The following ADAMTS9 variants were observed in gnomAD, a reference collection of about 807,000 sequenced individuals.
ADAMTS9 encodes A disintegrin and metalloproteinase with thrombospondin motifs 9.
In ADAMTS9, 107 loss-of-function variants were observed where a neutral mutation model predicts 257.1. That is an observed-to-expected ratio of 0.42 (90% CI 0.36 to 0.49). ADAMTS9 has a LOEUF of 0.49. ADAMTS9 is among the 20% of genes least tolerant of loss of function. The pLI is 0.03. For missense variants in ADAMTS9, 2,353 were observed against 2,469.1 expected (o/e 0.95, Z 1.00); for synonymous variants, 982 against 880.9 (o/e 1.11, Z -2.03).
chr3:64,564,092 C>A (rs948195062), intron 29 of ADAMTS9, among the ~76,000 whole-genome samples: 2 of 152,152 alleles, frequency 1.3e-5, no homozygotes, highest in Non-Finnish European at 2.9e-5. Flanking sequence ...GTTCAGTACA[C>A]CTTTTAGTTC....
intron 16 of ADAMTS9, among the ~76,000 whole-genome samples, chr3:64,628,762 C>T (rs1408327694): frequency 6.6e-6 from 1 of 152,150 alleles, no homozygotes; most frequent in Non-Finnish European, 1.5e-5. Flanking sequence ...TAACCCCATT[C>T]TCCATTAAGT....
At chr3:64,631,756 T>C in intron 15 of ADAMTS9, 52 bp downstream of exon 15, 4 of 1,504,682 alleles carry the variant, frequency 2.7e-6, no homozygotes, top group Non-Finnish European at 3.7e-6. Context: ...GGTTAACAAT[T>C]TTCAAACTTT....
intron 12 of ADAMTS9, 91 bp from the exon 13 acceptor site, chr3:64,633,970 A>G: frequency 3.2e-6 from 4 of 1,232,298 alleles, no homozygotes; most frequent in Non-Finnish European, 4.5e-6. Context: ...CCTGTCTTCT[A>G]GAGAAGTAAA....
At chr3:64,645,464 GAAGAAA>G (rs1700765348) in intron 11 of ADAMTS9, among the ~76,000 whole-genome samples, 3 of 152,028 alleles carry the variant, frequency 2.0e-5, no homozygotes, top group African/African-American at 7.2e-5. Flanking sequence ...AGAACAGAAA[GAAGAAA>G]AAGAAAGAAA....
rs1701138540 is a variant in ADAMTS9 at position 64,658,433 on chromosome 3, G to A, written c.969+69C>T. On this transcript the variant is annotated intron_variant, in intron 4 of 39. Coordinates refer to ENST00000498707, the MANE Select transcript of ADAMTS9 (RefSeq NM_182920.2). The stretch of plus-strand genomic sequence containing the variant: ...GTTCTGAATGGTCCTCCAAAGCACT[G>A]AGTGGAAACCCATTCCCCAATGGCA... The A allele has an allele frequency of 4.7e-6, 7 of 1,481,656 alleles. No individual in the cohort carries two copies. The Admixed American group carries it at 1.4e-4, about 29-fold the overall frequency. 91.8% of individuals were successfully genotyped at this position (1,481,656 alleles called of 1,614,324 possible). A position where few individuals can be genotyped will look rare whatever the true frequency, so the allele number is the denominator to read the frequency against.
chr3:64,629,109 A>C (rs777031278), intron 16 of ADAMTS9, among the ~76,000 whole-genome samples: 1 of 152,106 alleles, frequency 6.6e-6, no homozygotes, highest in Non-Finnish European at 1.5e-5. Flanking sequence ...CCAACTTCAA[A>C]AGATATCCAG....
chr3:64,549,988 A>G (rs1306984245), intron 31 of ADAMTS9, among the ~76,000 whole-genome samples: 2 of 151,634 alleles, frequency 1.3e-5, no homozygotes, highest in Non-Finnish European at 2.9e-5. Context: ...AGTGGCAGCA[A>G]TCATATTACC....
intron 4 of ADAMTS9, among the ~76,000 whole-genome samples, chr3:64,657,138 G>A (rs754417070): frequency 6.6e-6 from 1 of 152,098 alleles, no homozygotes; most frequent in Non-Finnish European, 1.5e-5. Context: ...ACCTAGAGTT[G>A]CACTGCCCAA....
intron 33 of ADAMTS9, 88 bp downstream of exon 33, chr3:64,541,750 T>C (rs1172377083): frequency 1.9e-6 from 3 of 1,579,902 alleles, no homozygotes; most frequent in Non-Finnish European, 1.7e-6. Context: ...GAAAAAATTC[T>C]ATATTTCTAA....
chr3:64,645,717 G>T (rs758092127), intron 11 of ADAMTS9, among the ~76,000 whole-genome samples: 3 of 152,028 alleles, frequency 2.0e-5, no homozygotes, highest in Admixed American at 1.3e-4. Context: ...ACTAAAAATG[G>T]ATCTATCATT....
chr3:64,616,675 C>G (rs972457308), intron 19 of ADAMTS9, among the ~76,000 whole-genome samples: 7 of 152,102 alleles, frequency 4.6e-5, no homozygotes, highest in African/African-American at 1.7e-4. Context: ...GGCCAATCGT[C>G]TGGTTCTTTT....
chr3:64,600,847 C>T (rs756973040), intron 26 of ADAMTS9, among the ~76,000 whole-genome samples: 2 of 152,142 alleles, frequency 1.3e-5, no homozygotes, highest in African/African-American at 2.4e-5. Flanking sequence ...GAAACATAAC[C>T]GCAGTGGGAA....
intron 3 of ADAMTS9, among the ~76,000 whole-genome samples, chr3:64,667,958 G>A (rs567693849): frequency 7.2e-5 from 11 of 152,320 alleles, no homozygotes; most frequent in African/African-American, 2.6e-4. Context: ...CAGGGCCTGT[G>A]TTTTACTAAG....
intron 3 of ADAMTS9, among the ~76,000 whole-genome samples, chr3:64,663,179 G>T (rs967103578): frequency 1.3e-5 from 2 of 152,008 alleles, no homozygotes; most frequent in African/African-American, 4.8e-5. Context: ...AAAATTGACT[G>T]AAATGATGAT....
At chr3:64,629,862 A>C (rs1294370839) in intron 16 of ADAMTS9, among the ~76,000 whole-genome samples, 1 of 152,244 alleles carries the variant, frequency 6.6e-6, no homozygotes, top group Non-Finnish European at 1.5e-5. Flanking sequence ...CTTGATTAGC[A>C]TGCTTAGCTG....
chr3:64,681,025 C>T (rs540678516), intron 3 of ADAMTS9, among the ~76,000 whole-genome samples, 176 bp downstream of exon 3: 8 of 152,314 alleles, frequency 5.3e-5, no homozygotes, highest in African/African-American at 1.9e-4. Flanking sequence ...TACTAAACCT[C>T]TCCTTAGTCT....
At chr3:64,527,964 G>A (rs1443945472) in intron 38 of ADAMTS9, among the ~76,000 whole-genome samples, 1 of 152,188 alleles carries the variant, frequency 6.6e-6, no homozygotes, top group East Asian at 1.9e-4. Context: ...TGAATTGAAG[G>A]ATAGGAACTG....
At chr3:64,660,939 C>A (rs185035814) in intron 3 of ADAMTS9, among the ~76,000 whole-genome samples, 6 of 152,222 alleles carry the variant, frequency 3.9e-5, no homozygotes, top group Admixed American at 3.9e-4. Context: ...CCTCAAACTG[C>A]AAAAGTTACG....
rs188544129 is a variant in ADAMTS9 at position 64,681,380 on chromosome 3, A to G, written c.517-17T>C. ...TGTGCCCAGCTGCAAATGAAGAGAG[A>G]TGGGAGGTTGATTTAACGTAACTCA... On this transcript the variant is annotated splice_polypyrimidine_tract_variant and intron_variant, in intron 2 of 39. Coordinates refer to ENST00000498707, the MANE Select transcript of ADAMTS9 (RefSeq NM_182920.2). The G allele has an allele frequency of 2.3e-5, 37 of 1,600,676 alleles. No individual in the cohort carries two copies. The African/African-American group carries it at 4.6e-4, about 20-fold the overall frequency.
Sources: allele counts gnomAD v4.1 joint callset (sites outside exome capture counted in the v4.1 genomes callset), GRCh38; gene constraint gnomAD v4.1.1; transcripts MANE v1.5; gene names NCBI Gene and HGNC (gene_info 2026-07-23, HGNC 2026-07-21).